Variants in CADPS observed in about 807,000 individuals in gnomAD.
CADPS encodes calcium dependent secretion activator, also known as calcium-dependent secretion activator 1.
In CADPS, 57 loss-of-function variants were observed where a neutral mutation model predicts 167.3. The ratio of observed to expected loss-of-function variants is 0.34; its 90% confidence interval spans 0.28 to 0.42. CADPS has a LOEUF of 0.42. CADPS is among the 20% of genes least tolerant of loss of function. The pLI is 1.00. For synonymous variants in CADPS, 676 were observed against 635.3 expected, an observed-to-expected ratio of 1.06 and a Z score of -0.96; for missense variants, 1,414 against 1,738.1, an observed-to-expected ratio of 0.81 and a Z score of 3.32.
chr3:62,691,311 T>A (rs949188076), intron 3 of CADPS, among the ~76,000 whole-genome samples: 3 of 152,020 alleles, frequency 2.0e-5, no homozygotes, highest in Non-Finnish European at 2.9e-5. Context: ...CGAACCCTAA[T>A]GTAAACCATG....
chr3:62,822,982 T>C lies in CADPS; in HGVS notation c.441+51607A>G, dbSNP rs182596875. The stretch of plus-strand genomic sequence containing the variant: ...AACCTAGATGTCAAGGTTGAGATAA[T>C]GAACCCAGAACCTTGACTGACAATA... On this transcript the variant is annotated intron_variant, in intron 1 of 29. Coordinates refer to ENST00000383710, the MANE Select transcript of CADPS (RefSeq NM_003716.4). Among the ~76,000 whole-genome samples, 649 of 152,318 alleles carry C rather than the reference T, an allele frequency of 4.3e-3. 4 individuals carry two copies. Among genetic ancestry groups the C allele is most frequent in the African/African-American group, 0.015 (619 of 41,580 alleles).
chr3:62,438,105 T>A lies in CADPS; in HGVS notation c.3776A>T (p.Asp1259Val). 6.2e-7 allele frequency: 1 copy of A among 1,606,916 alleles called. No homozygotes were observed. The highest frequency in any genetic ancestry group is 8.5e-7 in the Non-Finnish European group (1 of 1,174,046). The change falls in exon 28 of 30, where the codon GAT (aspartate) becomes GTT (valine). Residue 1259 changes from aspartate (D) to valine (V), a missense_variant and splice_region_variant. Around this residue, in one of 6 missense-constraint regions of CADPS, gnomAD observed 185 missense variants for 251.5 expected, o/e 0.74. Coordinates refer to ENST00000383710, the MANE Select transcript of CADPS (RefSeq NM_003716.4). The surrounding 1 kb of genome is among the most constrained non-coding windows in gnomAD (Gnocchi z 4.7). The part of the protein sequence containing the change: ...NEEMYIERLF[D>V]QWYNSSMNVI... ...AAGGAGGAGAAGGCATTTACTTACATCAAATAACCTTTCTATGTACATCTC... is the reference window on the plus strand; with the variant it reads ...AAGGAGGAGAAGGCATTTACTTACAACAAATAACCTTTCTATGTACATCTC...
At chr3:62,723,365 G>T (rs2076163564) in intron 3 of CADPS, among the ~76,000 whole-genome samples, 1 of 152,140 alleles carries the variant, frequency 6.6e-6, no homozygotes, top group Admixed American at 6.5e-5. Flanking sequence ...CAGTTCAGCG[G>T]ACCCTGATGC....
chr3:62,405,948 A>C (rs1487899608), intron 28 of CADPS, among the ~76,000 whole-genome samples: 1 of 152,230 alleles, frequency 6.6e-6, no homozygotes, highest in East Asian at 1.9e-4. Flanking sequence ...TTAGAGGTAC[A>C]GGGGATCTTC....
At chr3:62,815,884 T>C (rs981809597) in intron 1 of CADPS, among the ~76,000 whole-genome samples, 1 of 152,198 alleles carries the variant, frequency 6.6e-6, no homozygotes, top group South Asian at 2.1e-4. Flanking sequence ...GTAATAACTA[T>C]ACTTTTCTGA....
In CADPS at chr3:62,753,803, T is replaced by C. The variant is rs766794958; in HGVS notation, c.556-30A>G. ...GCAAGAACAAGGCCAGGAAAGACAGTAGGAGAGTTTACCACAGAGGTACCA... is the reference window on the plus strand; with the variant it reads ...GCAAGAACAAGGCCAGGAAAGACAGCAGGAGAGTTTACCACAGAGGTACCA... On this transcript the variant is annotated intron_variant, in intron 2 of 29. Coordinates refer to ENST00000383710, the MANE Select transcript of CADPS (RefSeq NM_003716.4). The surrounding 1 kb of genome is among the most constrained non-coding windows in gnomAD (Gnocchi z 4.6). 1.9e-6 allele frequency: 3 copies of C among 1,579,630 alleles called. No homozygotes were observed. Among genetic ancestry groups the C allele is most frequent in the South Asian group, 1.2e-5 (1 of 85,202 alleles).
chr3:62,863,268 G>A (rs2081133760), intron 1 of CADPS, among the ~76,000 whole-genome samples: 1 of 152,108 alleles, frequency 6.6e-6, no homozygotes, highest in Admixed American at 6.6e-5. Context: ...CCCAACCCAT[G>A]TGCTATATCT....
chr3:62,666,174 C>T (rs935352144), intron 3 of CADPS, among the ~76,000 whole-genome samples: 20 of 152,096 alleles, frequency 1.3e-4, no homozygotes, highest in Non-Finnish European at 2.5e-4. Flanking sequence ...TCTCTGGGGT[C>T]GAGTCCCCTT....
At chr3:62,738,974 G>A (rs904828310) in intron 3 of CADPS, among the ~76,000 whole-genome samples, 2 of 152,106 alleles carry the variant, frequency 1.3e-5, no homozygotes, top group African/African-American at 2.4e-5. Flanking sequence ...AGAAATTATG[G>A]TAGATTCAAA....
At chr3:62,697,541 G>T (rs943838332) in intron 3 of CADPS, among the ~76,000 whole-genome samples, 5 of 152,016 alleles carry the variant, frequency 3.3e-5, no homozygotes, top group Non-Finnish European at 7.4e-5. Context: ...TATTTTTGCA[G>T]TTGTGGATCA....
intron 28 of CADPS, among the ~76,000 whole-genome samples, chr3:62,431,861 TA>T: frequency 6.7e-6 from 1 of 149,718 alleles, no homozygotes; most frequent in African/African-American, 2.4e-5. Context: ...AAGAGTACAT[TA>T]TATATATATA....
intron 8 of CADPS, among the ~76,000 whole-genome samples, chr3:62,583,679 C>T (rs904443019): frequency 2.0e-5 from 3 of 152,216 alleles, no homozygotes; most frequent in Admixed American, 2.0e-4. Context: ...TCACTGGTCT[C>T]CAGCTCACAG....
At chr3:62,525,302 G>A (rs1475316267) in intron 13 of CADPS, among the ~76,000 whole-genome samples, 1 of 152,100 alleles carries the variant, frequency 6.6e-6, no homozygotes, top group Non-Finnish European at 1.5e-5. Context: ...TTTCTCCTTG[G>A]ACATCTGGGA....
chr3:62,595,403 TC>T (rs2058764643), intron 6 of CADPS, among the ~76,000 whole-genome samples: 2 of 151,952 alleles, frequency 1.3e-5, no homozygotes, highest in South Asian at 4.1e-4. Flanking sequence ...GAACCAGATA[TC>T]TTTAGTTCAA....
chr3:62,482,912 G>T (rs905189793), intron 21 of CADPS, among the ~76,000 whole-genome samples: 1 of 152,174 alleles, frequency 6.6e-6, no homozygotes, highest in Admixed American at 6.5e-5. Context: ...ATCAACTGAC[G>T]TGATGGAAGA....
intron 1 of CADPS, among the ~76,000 whole-genome samples, chr3:62,832,066 G>A (rs2075185366): frequency 1.3e-5 from 2 of 152,156 alleles, no homozygotes; most frequent in East Asian, 1.9e-4. Context: ...ATTGTTGATA[G>A]GTAAGCATGC....
chr3:62,601,248 T>C lies in CADPS; in HGVS notation c.1326-8500A>G, dbSNP rs2059922736. ...TATGAAATTCAAATTTTGATGCCCA[T>C]CAATAACGTTTTATTAGAACATAGT... On this transcript the variant is annotated intron_variant, in intron 6 of 29. Coordinates refer to ENST00000383710, the MANE Select transcript of CADPS (RefSeq NM_003716.4). This position sits in a 1 kb window ranked among gnomAD's most constrained non-coding sequence, Gnocchi z 4.3. 6.6e-6 allele frequency among the ~76,000 whole-genome samples: 1 copy of C among 152,216 alleles called. No individual in the cohort carries two copies. Among genetic ancestry groups the C allele is most frequent in the Non-Finnish European group, 1.5e-5 (1 of 68,044 alleles).
In CADPS at chr3:62,809,215, T is replaced by TA. The variant is rs932279629; in HGVS notation, c.442-43232dup. Among the ~76,000 whole-genome samples, 11 of 151,710 alleles carry TA rather than the reference T, an allele frequency of 7.3e-5. No individual in the cohort carries two copies. In the East Asian group the frequency reaches 9.7e-4, roughly 13 times the overall value. On this transcript the variant is annotated intron_variant, in intron 1 of 29. Coordinates refer to ENST00000383710, the MANE Select transcript of CADPS (RefSeq NM_003716.4). ...ATACTTTCTAGATGTTAGTGATCTT[T>TA]AAAAAAAAATATATTGAATCACGTT...
At chr3:62,659,053 T>A (rs1336824550) in intron 4 of CADPS, among the ~76,000 whole-genome samples, 1 of 152,176 alleles carries the variant, frequency 6.6e-6, no homozygotes, top group Non-Finnish European at 1.5e-5. Context: ...TTGCTTGAGT[T>A]GGTGCCTCTT....
Sources: gnomAD v4.1 joint callset for allele counts (sites outside exome capture counted in the v4.1 genomes callset) on GRCh38, gnomAD v4.1.1 for gene constraint, gnomAD v4.1.1 regional missense constraint, Gnocchi (gnomAD v3.1) non-coding constraint, MANE v1.5 for transcripts, NCBI Gene and HGNC (gene_info 2026-07-23, HGNC 2026-07-21) for gene names.